The following FGF14 variants were observed in gnomAD, a reference collection of about 807,000 sequenced individuals.
The protein encoded by FGF14 is fibroblast growth factor homologous factor 4.
Under a neutral mutation model 25.5 loss-of-function variants are expected in FGF14, and 5 were observed. That is an observed-to-expected ratio of 0.20 (90% CI 0.10 to 0.41). The LOEUF (loss-of-function observed/expected upper bound fraction) is 0.41, where lower values mean the gene tolerates loss of function less well. Ranked by LOEUF, FGF14 falls within the 10% of genes least tolerant of loss-of-function variation. The probability of loss-of-function intolerance (pLI) is 1.00; values close to 1 mark genes in which losing one functional copy is unlikely to be tolerated. For missense variants in FGF14, 222 were observed against 320.1 expected (o/e 0.69, Z 2.34); for synonymous variants, 138 against 118.3 (o/e 1.17, Z -1.08).
At chr13:102,003,184 G>A (rs1214480809) in intron 1 of FGF14, 3 of 152,096 alleles carry the variant, frequency 2.0e-5, no homozygotes, top group African/African-American at 7.2e-5. Flanking sequence ...GTAAATTCAA[G>A]TCTTATTGCC....
chr13:102,171,225 T>A (rs2140677189), intron 1 of FGF14, among the ~76,000 whole-genome samples: 1 of 152,298 alleles, frequency 6.6e-6, no homozygotes, highest in Middle Eastern at 3.4e-3. Flanking sequence ...ATGTGCTGTT[T>A]CTATGTCAGT....
chr13:102,102,583 C>G (rs1041310576), intron 1 of FGF14, among the ~76,000 whole-genome samples: 2 of 152,192 alleles, frequency 1.3e-5, no homozygotes, highest in African/African-American at 2.4e-5. Context: ...GAACATCCAT[C>G]AAGACTCCAT....
intron 1 of FGF14, among the ~76,000 whole-genome samples, chr13:102,218,950 A>G (rs2050493152): frequency 6.6e-6 from 1 of 152,128 alleles, no homozygotes. Flanking sequence ...TTATGGGTAC[A>G]TAGTAGGTGT....
chr13:102,079,067 C>T (rs1169954515), intron 1 of FGF14, among the ~76,000 whole-genome samples: 1 of 152,148 alleles, frequency 6.6e-6, no homozygotes, highest in Non-Finnish European at 1.5e-5. Context: ...TGTCTCTGTC[C>T]TCCTGTTCCT....
At chr13:102,349,679 G>A (rs894238557) in intron 1 of FGF14, among the ~76,000 whole-genome samples, 1 of 152,186 alleles carries the variant, frequency 6.6e-6, no homozygotes, top group Non-Finnish European at 1.5e-5. Flanking sequence ...AGGCTGAGAA[G>A]TGAATTTTTC....
intron 1 of FGF14, among the ~76,000 whole-genome samples, chr13:102,070,756 T>C (rs937278170): frequency 5.3e-5 from 8 of 152,206 alleles, no homozygotes; most frequent in Admixed American, 3.9e-4. Flanking sequence ...ACAAATGTGG[T>C]ATATTTGTGT....
intron 1 of FGF14, among the ~76,000 whole-genome samples, chr13:102,197,462 A>G (rs2049414234): frequency 6.6e-6 from 1 of 152,080 alleles, no homozygotes; most frequent in South Asian, 2.1e-4. Context: ...TGACTCTCTC[A>G]GTTTCTTTAC....
At chr13:102,368,086 T>C (rs2057768526) in intron 1 of FGF14, 1 of 152,216 alleles carries the variant, frequency 6.6e-6, no homozygotes, top group African/African-American at 2.4e-5. Context: ...AGGAACTGGC[T>C]TGGGAAGTCC....
At chr13:102,160,490 C>T (rs1274694671) in intron 1 of FGF14, among the ~76,000 whole-genome samples, 1 of 152,142 alleles carries the variant, frequency 6.6e-6, no homozygotes, top group Non-Finnish European at 1.5e-5. Context: ...CCCGACCCTT[C>T]GTCTCAGAGA....
intron 1 of FGF14, among the ~76,000 whole-genome samples, chr13:102,377,692 C>G (rs2058072969): frequency 6.6e-6 from 1 of 152,128 alleles, no homozygotes; most frequent in South Asian, 2.1e-4. Flanking sequence ...TCTATAATCC[C>G]AGCTACTCAG....
chr13:101,954,078 A>G (rs2036354191), intron 1 of FGF14, among the ~76,000 whole-genome samples: 1 of 152,146 alleles, frequency 6.6e-6, no homozygotes, highest in Admixed American at 6.5e-5. Context: ...CTGTCCTTCT[A>G]AATTTTTGAA....
chr13:102,161,261 C>T lies in FGF14; in HGVS notation c.208+240210G>A, dbSNP rs188748628. Reference sequence around the variant, plus strand: ...AAGAAAGAGAGGAAAAAAGGAAGAGCGGTTGTCAGAATTTCAGGTCCATGT... The same window carrying T: ...AAGAAAGAGAGGAAAAAAGGAAGAGTGGTTGTCAGAATTTCAGGTCCATGT... On this transcript the variant is annotated intron_variant, in intron 1 of 4. Coordinates refer to the FGF14 transcript ENST00000376131. Among the ~76,000 whole-genome samples, 11 of 151,946 alleles carry T rather than the reference C, an allele frequency of 7.2e-5. No individual in the cohort carries two copies. The South Asian group carries it at 8.3e-4, about 11-fold the overall frequency.
intron 1 of FGF14, among the ~76,000 whole-genome samples, chr13:102,171,723 A>G (rs533245473): frequency 6.6e-6 from 1 of 152,210 alleles, no homozygotes; most frequent in African/African-American, 2.4e-5. Context: ...AAAATGGTAA[A>G]GATTTATGTT....
chr13:102,271,895 T>C (rs527657013), intron 1 of FGF14, among the ~76,000 whole-genome samples: 5 of 152,166 alleles, frequency 3.3e-5, no homozygotes, highest in African/African-American at 1.2e-4. Flanking sequence ...GGTAGCCTCC[T>C]AACCTAAGTC....
chr13:102,189,025 G>A (rs9557831), intron 1 of FGF14, among the ~76,000 whole-genome samples: 13 of 68,844 alleles, frequency 1.9e-4, no homozygotes, highest in East Asian at 1.3e-3. Context: ...AATGAAAGAA[G>A]AAAAGAAAGA....
At chr13:102,086,403 G>A (rs933791047) in intron 1 of FGF14, among the ~76,000 whole-genome samples, 4 of 151,954 alleles carry the variant, frequency 2.6e-5, no homozygotes, top group Non-Finnish European at 4.4e-5. Flanking sequence ...GGTGGCGGGC[G>A]CATGTAGTCC....
At chr13:102,009,947 C>T (rs139905292) in intron 1 of FGF14, among the ~76,000 whole-genome samples, 88 of 152,212 alleles carry the variant, frequency 5.8e-4, no homozygotes, top group Non-Finnish European at 1.0e-3. Flanking sequence ...GAAACCTTGC[C>T]AAGGTTGACT....
chr13:102,305,367 C>T (rs1339709953), intron 1 of FGF14, among the ~76,000 whole-genome samples: 1 of 152,090 alleles, frequency 6.6e-6, no homozygotes, highest in African/African-American at 2.4e-5. Flanking sequence ...GCATAATTTT[C>T]TGCTGTTAAT....
chr13:101,833,937 A>G (rs1399348188), intron 3 of FGF14, among the ~76,000 whole-genome samples: 5 of 152,132 alleles, frequency 3.3e-5, no homozygotes, highest in African/African-American at 1.2e-4. Flanking sequence ...AATATCTGAA[A>G]TGTAATGAAA....
Sources: gnomAD v4.1 joint callset for allele counts (sites outside exome capture counted in the v4.1 genomes callset) on GRCh38, gnomAD v4.1.1 for gene constraint, MANE v1.5 for transcripts, NCBI Gene and HGNC (gene_info 2026-07-23, HGNC 2026-07-21) for gene names.